The following OSGIN1 variants were observed in gnomAD, a reference collection of about 807,000 sequenced individuals.
The protein encoded by OSGIN1 is oxidative stress-induced growth inhibitor 1.
OSGIN1 carries 19 observed loss-of-function variants against 20.1 expected under a neutral mutation model. The observed-to-expected ratio is 0.95, with a 90% CI of 0.66 to 1.39. The LOEUF is 1.39. OSGIN1 is among the 40% of genes most tolerant of loss of function. The pLI is 0.00. For synonymous variants in OSGIN1, 368 were observed against 297.8 expected (o/e 1.24, Z -2.43); for missense variants, 820 against 653.0 (o/e 1.26, Z -2.79).
Position 83,966,209 on chromosome 16 carries a change from G to A in OSGIN1, c.*202G>A. ...GGTGGTAACAGCGGCCGCAGGCCAG[G>A]GTTGGCCTAGACCTGGGATTTGTGG... On this transcript the variant is annotated 3_prime_UTR_variant, in exon 6 of 6. Transcript: ENST00000393306. The A allele has an allele frequency of 1.7e-6, 1 of 580,672 alleles. No individual in the cohort carries two copies. The highest frequency in any genetic ancestry group is 2.3e-5 in the South Asian group (1 of 42,960). The allele number at this position is 580,672 out of a possible 1,614,324, so 36.0% of individuals were successfully genotyped here.
At chr16:83,963,520 A>C (rs2084240271) in intron 5 of OSGIN1, among the ~76,000 whole-genome samples, 1 of 152,164 alleles carries the variant, frequency 6.6e-6, no homozygotes, top group Admixed American at 6.5e-5. Flanking sequence ...TGGAGCATTC[A>C]TTCTTTCCAT....
rs749155699 is a variant in OSGIN1, at chr16:83,965,307, C to T, written c.734C>T (p.Ala245Val). ...FSLWARNVVL[A>V]TGTFDSPARL... is the part of the protein sequence containing the mutation. ...CTGTGGGCCCGCAACGTGGTCCTCG[C>T]CACAGGCACGTTCGACAGCCCGGCC... Residue 245 changes from alanine to valine, a missense_variant, in exon 6 of 6, where the codon GCC becomes GTC. Transcript: ENST00000393306. 6.9e-6 allele frequency: 11 copies of T among 1,591,404 alleles called. No individual in the cohort carries two copies. The highest frequency in any genetic ancestry group is 1.3e-5 in the African/African-American group (1 of 74,572).
chr16:83,954,808 C>G (rs769826454), intron 1 of OSGIN1: 15 of 931,376 alleles, frequency 1.6e-5, no homozygotes, highest in Non-Finnish European at 1.9e-5. Flanking sequence ...GCAGCCAGTT[C>G]TGATTCCTCA....
chr16:83,962,119 C>T (rs2084222337), intron 5 of OSGIN1, among the ~76,000 whole-genome samples: 1 of 152,132 alleles, frequency 6.6e-6, no homozygotes, highest in African/African-American at 2.4e-5. Flanking sequence ...CACGCCCTTT[C>T]ACTCCTGGGG....
At chr16:83,958,285 G>A (rs999299709) in intron 2 of OSGIN1, among the ~76,000 whole-genome samples, 8 of 152,178 alleles carry the variant, frequency 5.3e-5, no homozygotes, top group Non-Finnish European at 7.3e-5. Context: ...TCACACTTCC[G>A]AGAACCCAGG....
At chr16:83,957,854 T>G (rs862200) in intron 2 of OSGIN1, 116 bp downstream of exon 2, 28,007 of 411,030 alleles carry the variant, frequency 0.068, 1,124 homozygotes, top group South Asian at 0.14. Context: ...TTTTTGGGGT[T>G]TATTTTTTAT....
Position 83,965,245 on chromosome 16 carries a change from C to T in OSGIN1, c.672C>T (p.Gly224=). 1 of 1,612,104 alleles carries T rather than the reference C, an allele frequency of 6.2e-7. No individual in the cohort carries two copies. The highest frequency in any genetic ancestry group is 8.5e-7 in the Non-Finnish European group (1 of 1,179,458). The change falls in exon 6 of 6, where the codon GGC becomes GGT. Residue 224 remains glycine (G), a synonymous_variant. Transcript: ENST00000393306. ...CCAGCCCCCTCTTCCAGGTGAGCGG[C>T]TTCCTGACCAGGAACCAGGCCCAGC... The part of the protein sequence containing the change: ...QDSSPLFQVS[G]FLTRNQAQQP...
intron 5 of OSGIN1, among the ~76,000 whole-genome samples, chr16:83,962,302 G>A (rs1463697482): frequency 8.5e-5 from 13 of 152,236 alleles, no homozygotes; most frequent in African/African-American, 1.4e-4. Flanking sequence ...GCAGTGGCGC[G>A]ATCTCAGCTC....
In OSGIN1 at chr16:83,965,919, C is replaced by T; in HGVS notation, c.1346C>T (p.Ala449Val). The change falls in exon 6 of 6, where the codon GCC becomes GTC. Residue 449 changes from alanine (A) to valine (V), a missense_variant. Physicochemically the swap from Ala to Val is moderately conservative, Grantham distance 64 (BLOSUM62 0). Transcript: ENST00000393306. The stretch of plus-strand genomic sequence containing the variant: ...GGCCTGTACGCCATGGGGCCGCTGG[C>T]CGGGGACAACTTCGTGAGGTTTGTG... ...QEGLYAMGPL[A>V]GDNFVRFVQG... 6.2e-7 allele frequency: 1 copy of T among 1,612,726 alleles called. No individual in the cohort carries two copies. Among genetic ancestry groups the T allele is most frequent in the Non-Finnish European group, 8.5e-7 (1 of 1,179,966 alleles).
At chr16:83,960,361 A>G (rs1469489334) in intron 3 of OSGIN1, among the ~76,000 whole-genome samples, 1 of 152,200 alleles carries the variant, frequency 6.6e-6, no homozygotes, top group Non-Finnish European at 1.5e-5. Flanking sequence ...AAGCTTGCGC[A>G]TTTGGTCTGT....
Position 83,960,662 on chromosome 16 carries a change from G to C in OSGIN1, c.298G>C (p.Gly100Arg). The change falls in exon 4 of 6, where the codon GGG becomes CGG. Residue 100 changes from glycine to arginine, a missense_variant. Gly to Arg is a moderately radical substitution (Grantham distance 125). Coordinates refer to ENST00000393306, the MANE Select transcript of OSGIN1 (RefSeq NM_182981.3). ...DALLRPDTDF[G>R]GNMKSVLTWK... ...CCTTCTACGCCCAGACACAGACTTT[G>C]GGGGAAACATGAAGTCGGTCCTCAC... is the stretch of plus-strand genomic sequence containing the variant. The C allele has an allele frequency of 6.2e-7, 1 of 1,613,622 alleles. No individual in the cohort carries two copies. The highest frequency in any genetic ancestry group is 8.5e-7 in the Non-Finnish European group (1 of 1,180,036).
chr16:83,965,806 C>A lies in OSGIN1; in HGVS notation c.1233C>A (p.Asp411Glu). The A allele has an allele frequency of 6.2e-7, 1 of 1,612,988 alleles. No homozygotes were observed. Among genetic ancestry groups the A allele is most frequent in the Non-Finnish European group, 8.5e-7 (1 of 1,179,962 alleles). ...DLSFLPGAGADFAVDPDQPLS... is the reference protein window; with the variant it reads ...DLSFLPGAGAEFAVDPDQPLS... The stretch of plus-strand genomic sequence containing the variant: ...CCTTCCTGCCTGGGGCAGGGGCTGA[C>A]TTTGCAGTGGATCCTGACCAGCCGC... Residue 411 changes from aspartate (D) to glutamate (E), a missense_variant, in exon 6 of 6, where the codon GAC becomes GAA. Transcript: ENST00000393306.
At chr16:83,962,822 G>A in intron 5 of OSGIN1, among the ~76,000 whole-genome samples, 1 of 152,240 alleles carries the variant, frequency 6.6e-6, no homozygotes, top group East Asian at 1.9e-4. Flanking sequence ...AATCAGGTGT[G>A]CATTTATCTC....
chr16:83,965,292 G>A lies in OSGIN1; in HGVS notation c.719G>A (p.Arg240His), dbSNP rs962242939. Residue 240 changes from arginine (R) to histidine (H), a missense_variant, in exon 6 of 6, where the codon CGC becomes CAC. Transcript: ENST00000393306. ...QAQQPFSLWA[R>H]NVVLATGTFD... ...CAGCAGCCCTTCTCGCTGTGGGCCC[G>A]CAACGTGGTCCTCGCCACAGGCACG... 20 of 1,600,354 alleles carry A rather than the reference G, an allele frequency of 1.2e-5. No homozygotes were observed. Among genetic ancestry groups the A allele is most frequent in the Middle Eastern group, 1.7e-4 (1 of 6,018 alleles).
chr16:83,960,359 G>C (rs372099911), intron 3 of OSGIN1, among the ~76,000 whole-genome samples: 1 of 152,302 alleles, frequency 6.6e-6, no homozygotes, highest in Non-Finnish European at 1.5e-5. Context: ...CCAAGCTTGC[G>C]CATTTGGTCT....
intron 3 of OSGIN1, among the ~76,000 whole-genome samples, chr16:83,959,931 A>G (rs1909123152): frequency 6.6e-6 from 1 of 152,106 alleles, no homozygotes. Flanking sequence ...TCCTGCCCAC[A>G]AGGGTTTGCA....
chr16:83,955,672 G>A (rs1205579468), intron 1 of OSGIN1, among the ~76,000 whole-genome samples: 1 of 152,192 alleles, frequency 6.6e-6, no homozygotes, highest in Non-Finnish European at 1.5e-5. Context: ...GGAAATGTCA[G>A]CCACATGCTG....
chr16:83,961,966 T>TTTC (rs1555544435), intron 5 of OSGIN1, among the ~76,000 whole-genome samples: 2 of 145,416 alleles, frequency 1.4e-5, no homozygotes, highest in African/African-American at 5.0e-5. Flanking sequence ...TTTCTTTTCT[T>TTTC]TTTTTTTTTT....
At position 83,965,212 on chromosome 16, in the gene OSGIN1, C is replaced by T; in HGVS notation, c.639C>T (p.Ala213=). 2 of 1,613,066 alleles carry T rather than the reference C, an allele frequency of 1.2e-6. No individual in the cohort carries two copies. Among genetic ancestry groups the T allele is most frequent in the African/African-American group, 2.7e-5 (2 of 75,066 alleles). The part of the protein sequence containing the change: ...WGTPDPSSCG[A]QDSSPLFQVS... ...CCCCCGATCCCAGCAGCTGTGGGGC[C>T]CAGGACTCCAGCCCCCTCTTCCAGG... The change falls in exon 6 of 6, where the codon GCC becomes GCT. Residue 213 remains alanine, a synonymous_variant. Coordinates refer to ENST00000393306, the MANE Select transcript of OSGIN1 (RefSeq NM_182981.3).
Sources: allele counts gnomAD v4.1 joint callset (sites outside exome capture counted in the v4.1 genomes callset), GRCh38; gene constraint gnomAD v4.1.1; transcripts MANE v1.5; gene names NCBI Gene and HGNC (gene_info 2026-07-23, HGNC 2026-07-21).